The following FAF1 variants were observed in gnomAD, a reference collection of about 807,000 sequenced individuals.
The protein encoded by FAF1 is Fas associated factor 1.
A neutral mutation model predicts 92.5 loss-of-function variants in FAF1; 25 were observed. That is an observed-to-expected ratio of 0.27 (90% CI 0.20 to 0.38). The LOEUF is 0.38. Ranked by LOEUF, FAF1 falls within the 10% of genes least tolerant of loss-of-function variation. The pLI is 1.00. For synonymous variants in FAF1, 234 were observed against 273.2 expected, an observed-to-expected ratio of 0.86 and a Z score of 1.42; for missense variants, 636 against 793.3, an observed-to-expected ratio of 0.80 and a Z score of 2.38.
chr1:50,526,684 C>G (rs554402723), intron 15 of FAF1, among the ~76,000 whole-genome samples: 1 of 152,032 alleles, frequency 6.6e-6, no homozygotes, highest in Admixed American at 6.6e-5. Flanking sequence ...TTTCATTTCT[C>G]TTGAGTATAT....
chr1:50,456,717 G>C (rs974785907), intron 18 of FAF1, among the ~76,000 whole-genome samples: 3 of 152,148 alleles, frequency 2.0e-5, no homozygotes, highest in Admixed American at 2.0e-4. Context: ...CACTATTTCT[G>C]CTCTCAGGAG....
At position 50,530,529 on chromosome 1, in the gene FAF1, G is replaced by C. The variant is rs1221497292; in HGVS notation, c.1494+4840C>G. On this transcript the variant is annotated intron_variant, in intron 15 of 18. Coordinates refer to ENST00000396153, the MANE Select transcript of FAF1 (RefSeq NM_007051.3). ...GGGGGGAGGTGGGGATGTTTAATGG[G>C]TACAAAAAGAATAGAAAGAATGAAT... Among the ~76,000 whole-genome samples, 4 of 151,746 alleles carry C rather than the reference G, an allele frequency of 2.6e-5. No individual in the cohort carries two copies. The East Asian group carries it at 7.7e-4, about 29-fold the overall frequency.
intron 17 of FAF1, among the ~76,000 whole-genome samples, chr1:50,483,176 T>G (rs972045279): frequency 2.0e-5 from 3 of 152,138 alleles, no homozygotes; most frequent in African/African-American, 7.2e-5. Context: ...ATATATGAAT[T>G]GAAGCATTTT....
intron 8 of FAF1, among the ~76,000 whole-genome samples, chr1:50,598,880 G>A (rs1273550301): frequency 6.6e-6 from 1 of 152,096 alleles, no homozygotes; most frequent in Non-Finnish European, 1.5e-5. Flanking sequence ...TGAGGCAGGA[G>A]AATTGCTTGA....
chr1:50,740,469 A>G (rs537704569), intron 5 of FAF1, among the ~76,000 whole-genome samples: 1 of 152,190 alleles, frequency 6.6e-6, no homozygotes, highest in Admixed American at 6.5e-5. Flanking sequence ...GTCTTAATCC[A>G]AGGGTATTGA....
chr1:50,633,223 G>A (rs1323230310), intron 8 of FAF1, among the ~76,000 whole-genome samples: 2 of 152,188 alleles, frequency 1.3e-5, no homozygotes, highest in Admixed American at 6.5e-5. Flanking sequence ...TATTAAACAA[G>A]TGGCTAACTG....
intron 6 of FAF1, among the ~76,000 whole-genome samples, chr1:50,736,056 A>G (rs1247423874): frequency 2.0e-5 from 3 of 152,176 alleles, no homozygotes; most frequent in Non-Finnish European, 4.4e-5. Context: ...TTAAATGATT[A>G]ATAATATACT....
chr1:50,697,749 T>C (rs1657294393), intron 7 of FAF1, among the ~76,000 whole-genome samples: 1 of 152,182 alleles, frequency 6.6e-6, no homozygotes, highest in African/African-American at 2.4e-5. Flanking sequence ...GTCATTTATA[T>C]AAAATGTTTA....
At chr1:50,788,722 T>C (rs1397730436) in intron 3 of FAF1, among the ~76,000 whole-genome samples, 1 of 152,230 alleles carries the variant, frequency 6.6e-6, no homozygotes, top group Non-Finnish European at 1.5e-5. Context: ...TTCCCTTATC[T>C]TCTTAACATC....
chr1:50,857,685 C>T (rs1318853746), intron 2 of FAF1, among the ~76,000 whole-genome samples: 1 of 151,660 alleles, frequency 6.6e-6, no homozygotes, highest in Non-Finnish European at 1.5e-5. Context: ...GAAGATGAAC[C>T]ATAACACACA....
chr1:50,952,582 T>C (rs972799421), intron 1 of FAF1, among the ~76,000 whole-genome samples: 1 of 151,934 alleles, frequency 6.6e-6, no homozygotes, highest in Non-Finnish European at 1.5e-5. Context: ...GTCTGGGATG[T>C]GAGGAGCCCC....
At chr1:50,776,973 G>C (rs1660986802) in intron 4 of FAF1, among the ~76,000 whole-genome samples, 1 of 151,876 alleles carries the variant, frequency 6.6e-6, no homozygotes, top group Non-Finnish European at 1.5e-5. Flanking sequence ...AAAATATACA[G>C]AATCAGCCAG....
intron 2 of FAF1, among the ~76,000 whole-genome samples, chr1:50,812,392 C>T (rs969748037): frequency 1.3e-5 from 2 of 152,070 alleles, no homozygotes; most frequent in African/African-American, 2.4e-5. Context: ...AAACAAACAA[C>T]CCCATTAAAA....
At chr1:50,945,788 G>T (rs555403945) in intron 1 of FAF1, among the ~76,000 whole-genome samples, 10 of 152,230 alleles carry the variant, frequency 6.6e-5, no homozygotes, top group African/African-American at 2.4e-4. Flanking sequence ...GCAAAGGTCC[G>T]TAGAAATACA....
rs145439660 is a variant in FAF1, at chr1:50,646,069, G to GTAA, written c.744+9370_744+9372dup. The stretch of plus-strand genomic sequence containing the variant: ...CCCACCTAATAATATGTTAACCCAT[G>GTAA]TAATCTTCACAATAGGTTTTCAAGT... On this transcript the variant is annotated intron_variant, in intron 8 of 18. Coordinates refer to ENST00000396153, the MANE Select transcript of FAF1 (RefSeq NM_007051.3). Among the ~76,000 whole-genome samples, 834 of 152,280 alleles carry GTAA rather than the reference G, an allele frequency of 5.5e-3. 6 individuals carry two copies. The highest frequency in any genetic ancestry group is 8.0e-3 in the Non-Finnish European group (546 of 68,034).
At chr1:50,888,984 C>T (rs1570104362) in intron 1 of FAF1, among the ~76,000 whole-genome samples, 1 of 152,144 alleles carries the variant, frequency 6.6e-6, no homozygotes, top group African/African-American at 2.4e-5. Context: ...GCTCTGAATC[C>T]ATCTGGTCCC....
At chr1:50,899,708 C>G (rs1644781838) in intron 1 of FAF1, among the ~76,000 whole-genome samples, 1 of 152,212 alleles carries the variant, frequency 6.6e-6, no homozygotes, top group African/African-American at 2.4e-5. Context: ...ACCTCGCCTC[C>G]CAAAGTGCTG....
chr1:50,955,966 T>A (rs1645263285), intron 1 of FAF1, among the ~76,000 whole-genome samples: 1 of 152,094 alleles, frequency 6.6e-6, no homozygotes, highest in Non-Finnish European at 1.5e-5. Flanking sequence ...GAAAGTAGGA[T>A]GGTGGTTGCC....
At chr1:50,504,213 G>A (rs1334848643) in intron 15 of FAF1, among the ~76,000 whole-genome samples, 1 of 152,088 alleles carries the variant, frequency 6.6e-6, no homozygotes, top group East Asian at 1.9e-4. Context: ...AAATATGACA[G>A]AGAAGTTAAG....
Sources: gnomAD v4.1 joint callset for allele counts (sites outside exome capture counted in the v4.1 genomes callset) on GRCh38, gnomAD v4.1.1 for gene constraint, MANE v1.5 for transcripts, NCBI Gene and HGNC (gene_info 2026-07-23, HGNC 2026-07-21) for gene names.